DENND3: variants seen among roughly 807,000 people sequenced by gnomAD.
DENND3 encodes DENN domain containing 3.
In DENND3, 88 loss-of-function variants were observed where a neutral mutation model predicts 135.1. The observed-to-expected ratio is 0.65, with a 90% CI of 0.55 to 0.78. The LOEUF (loss-of-function observed/expected upper bound fraction) is 0.78, where lower values mean the gene tolerates loss of function less well. Among genes scored for constraint, DENND3 ranks in the 30% least tolerant of loss-of-function variants. The pLI, the probability that DENND3 is intolerant of heterozygous loss-of-function variation, is 0.00. For synonymous variants in DENND3, 693 were observed against 712.3 expected (o/e 0.97, Z 0.43); for missense variants, 1,392 against 1,688.4 (o/e 0.82, Z 3.08).
chr8:141,141,441 T>G lies in DENND3; in HGVS notation c.623+117T>G. ...GGGGGGCAGCTCTCTGTTCCTCTCC[T>G]GGTGAGCCGGGGGACCGGGCGCTGG... On this transcript the variant is annotated intron_variant, in intron 4 of 22. Transcript: ENST00000519811. The surrounding 1 kb of genome is among the most constrained non-coding windows in gnomAD (Gnocchi z 5.3). The G allele has an allele frequency of 1.6e-5, 17 of 1,077,792 alleles. No individual in the cohort carries two copies. The East Asian group carries it at 1.7e-4, about 10-fold the overall frequency. The allele number at this position is 1,077,792 out of a possible 1,614,324, so 66.8% of individuals were successfully genotyped here.
At chr8:141,170,910 G>A (rs368106625) in intron 13 of DENND3, among the ~76,000 whole-genome samples, 65 of 152,320 alleles carry the variant, frequency 4.3e-4, no homozygotes, top group African/African-American at 1.3e-3. Flanking sequence ...AGCAGGGTCC[G>A]TCCATCTTTT....
intron 10 of DENND3, among the ~76,000 whole-genome samples, chr8:141,164,734 C>T (rs1048103430): frequency 1.1e-4 from 16 of 152,222 alleles, no homozygotes; most frequent in Non-Finnish European, 2.4e-4. Context: ...GAGCCCTGCC[C>T]GAGGCTTCCA....
At chr8:141,160,575 G>A (rs965636590) in intron 8 of DENND3, 57 bp from the exon 9 acceptor site, 8 of 1,493,798 alleles carry the variant, frequency 5.4e-6, no homozygotes, top group Non-Finnish European at 7.2e-6. Context: ...GTGTGCTGGT[G>A]AGCGGCCGTG....
chr8:141,133,617 C>A (rs1816420846), intron 1 of DENND3, among the ~76,000 whole-genome samples: 1 of 152,062 alleles, frequency 6.6e-6, no homozygotes, highest in South Asian at 2.1e-4. Context: ...CTTGCAGGTG[C>A]TTGGTGTGGA....
chr8:141,189,294 T>C (rs1223053055), intron 19 of DENND3, 148 bp downstream of exon 19: 2 of 1,122,598 alleles, frequency 1.8e-6, no homozygotes, highest in Non-Finnish European at 2.5e-6. Flanking sequence ...AGCTGGGTGG[T>C]GTCCTCGGTC....
chr8:141,178,685 G>C (rs1230627396), intron 16 of DENND3, among the ~76,000 whole-genome samples: 1 of 152,210 alleles, frequency 6.6e-6, no homozygotes, highest in Non-Finnish European at 1.5e-5. Flanking sequence ...GTGAGGAGAG[G>C]CCCTGCACGT....
rs561485071 is a variant in DENND3, at chr8:141,130,794, C to A, written c.102+1985C>A. Among the ~76,000 whole-genome samples, 3 of 151,486 alleles carry A rather than the reference C, an allele frequency of 2.0e-5. No homozygotes were observed. The highest frequency in any genetic ancestry group is 6.6e-5 in the Admixed American group (1 of 15,186). On this transcript the variant is annotated intron_variant, in intron 1 of 22. Transcript: ENST00000519811. The surrounding 1 kb of genome is among the most constrained non-coding windows in gnomAD (Gnocchi z 4.2). Reference sequence around the variant, plus strand: ...CTCCGCCTCCTGAGTTCAAGCAATTCTCCTGCCTCAGCCTCCTAAGTAGCT... The same window carrying A: ...CTCCGCCTCCTGAGTTCAAGCAATTATCCTGCCTCAGCCTCCTAAGTAGCT...
chr8:141,159,010 G>T (rs181467284), intron 8 of DENND3, among the ~76,000 whole-genome samples: 2 of 152,342 alleles, frequency 1.3e-5, no homozygotes, highest in African/African-American at 2.4e-5. Context: ...GGCATTCTGC[G>T]TGTTCTTTCA....
In DENND3 at chr8:141,137,946, G is replaced by A; in HGVS notation, c.386-76G>A. On this transcript the variant is annotated intron_variant, in intron 2 of 22. Coordinates refer to ENST00000519811, the MANE Select transcript of DENND3 (RefSeq NM_001352890.3). The surrounding 1 kb of genome is among the most constrained non-coding windows in gnomAD (Gnocchi z 4.1). ...ACTGTGGAGGTGTGTCCTAAACACT[G>A]TGAAGAAATCAGCTCGTGGGTAACC... The A allele has an allele frequency of 1.4e-6, 2 of 1,466,152 alleles. No individual in the cohort carries two copies. The highest frequency in any genetic ancestry group is 1.9e-6 in the Non-Finnish European group (2 of 1,074,126). 90.8% of individuals were successfully genotyped at this position (1,466,152 alleles called of 1,614,324 possible).
At position 141,167,121 on chromosome 8, in the gene DENND3, C is replaced by T. The variant is rs922409704; in HGVS notation, c.1753+732C>T. Among the ~76,000 whole-genome samples the T allele has an allele frequency of 7.9e-5, 12 of 152,306 alleles. No homozygotes were observed. Among genetic ancestry groups the T allele is most frequent in the African/African-American group, 2.2e-4 (9 of 41,558 alleles). On this transcript the variant is annotated intron_variant, in intron 12 of 22. Coordinates refer to ENST00000519811, the MANE Select transcript of DENND3 (RefSeq NM_001352890.3). This position sits in a 1 kb window ranked among gnomAD's most constrained non-coding sequence, Gnocchi z 4.1. ...GGGCTATGGTCTAGCAGGGGCAGTG[C>T]GCATGAATGACAGACCACGTTGTCT...
chr8:141,145,466 C>T (rs1817923197), intron 5 of DENND3, among the ~76,000 whole-genome samples: 1 of 152,136 alleles, frequency 6.6e-6, no homozygotes, highest in African/African-American at 2.4e-5. Flanking sequence ...TTAGACTGTT[C>T]CCTAGGCCAC....
intron 8 of DENND3, among the ~76,000 whole-genome samples, chr8:141,158,897 A>G (rs1246209302): frequency 2.0e-5 from 3 of 152,016 alleles, no homozygotes; most frequent in African/African-American, 7.3e-5. Flanking sequence ...TCTCCTTCAG[A>G]CCCCACTGTC....
At chr8:141,142,218 C>T in intron 4 of DENND3, 1 of 372,730 alleles carries the variant, frequency 2.7e-6, no homozygotes, top group Admixed American at 3.4e-5. Flanking sequence ...ATGGTCAGTC[C>T]CAGTGGGCAC....
chr8:141,147,491 C>T (rs1022115825), intron 5 of DENND3, among the ~76,000 whole-genome samples: 40 of 152,202 alleles, frequency 2.6e-4, no homozygotes, highest in African/African-American at 8.0e-4. Context: ...CTGAAGGTGC[C>T]GCCACAGGGC....
chr8:141,146,971 G>A lies in DENND3; in HGVS notation c.735+2712G>A, dbSNP rs1818222349. 1.3e-5 allele frequency among the ~76,000 whole-genome samples: 2 copies of A among 152,194 alleles called. No homozygotes were observed. The highest frequency in any genetic ancestry group is 1.3e-4 in the Admixed American group (2 of 15,282). ...GCAGTTTCAGGGTCAGCAGTAATGA[G>A]CTGCACTCGGCCTTTGAACATAAGG... is the stretch of plus-strand genomic sequence containing the variant. On this transcript the variant is annotated intron_variant, in intron 5 of 22. Transcript: ENST00000519811. The surrounding 1 kb of genome is among the most constrained non-coding windows in gnomAD (Gnocchi z 4.3).
At position 141,174,045 on chromosome 8, in the gene DENND3, G is replaced by A. The variant is rs901736060; in HGVS notation, c.2276-1155G>A. ...CTCTGCCTTATCGGGGAAGGCGTGC[G>A]TGGGCATGCCTACCTGGGTGTTGAG... On this transcript the variant is annotated intron_variant, in intron 13 of 22. Coordinates refer to ENST00000519811, the MANE Select transcript of DENND3 (RefSeq NM_001352890.3). The surrounding 1 kb of genome is among the most constrained non-coding windows in gnomAD (Gnocchi z 4.6). 1.3e-5 allele frequency among the ~76,000 whole-genome samples: 2 copies of A among 152,150 alleles called. No homozygotes were observed. Among genetic ancestry groups the A allele is most frequent in the African/African-American group, 4.8e-5 (2 of 41,422 alleles).
chr8:141,175,859 G>T lies in DENND3; in HGVS notation c.2535+400G>T. The T allele has an allele frequency of 3.8e-6, 1 of 263,876 alleles. No individual in the cohort carries two copies. The highest frequency in any genetic ancestry group is 7.5e-6 in the Non-Finnish European group (1 of 132,736). The allele number at this position is 263,876 out of a possible 1,614,324, so 16.3% of individuals were successfully genotyped here. ...GAGCTACAGTAGCTCACATTTTCTAGTCACAGTCGGACCTGGTTCATATAA... is the reference window on the plus strand; with the variant it reads ...GAGCTACAGTAGCTCACATTTTCTATTCACAGTCGGACCTGGTTCATATAA... On this transcript the variant is annotated intron_variant, in intron 14 of 22. Coordinates refer to ENST00000519811, the MANE Select transcript of DENND3 (RefSeq NM_001352890.3). This position sits in a 1 kb window ranked among gnomAD's most constrained non-coding sequence, Gnocchi z 5.4.
At position 141,136,662 on chromosome 8, in the gene DENND3, A is replaced by G; in HGVS notation, c.256A>G (p.Lys86Glu). Residue 86 changes from lysine (K) to glutamate (E), a missense_variant, in exon 2 of 23, where the codon AAG becomes GAG. Physicochemically the swap from Lys to Glu is moderately conservative, Grantham distance 56. Coordinates refer to ENST00000519811, the MANE Select transcript of DENND3 (RefSeq NM_001352890.3). ...TAAAACCCGGATGCGCTCCTTGAGA[A>G]AGAAGAGAGAGAAGCCCAGACCAGA... is the stretch of plus-strand genomic sequence containing the variant. ...LGKTRMRSLR[K>E]KREKPRPEQW... 6.2e-7 allele frequency: 1 copy of G among 1,613,154 alleles called. No homozygotes were observed.
chr8:141,147,716 G>A (rs1047866677), intron 5 of DENND3, among the ~76,000 whole-genome samples: 2 of 152,160 alleles, frequency 1.3e-5, no homozygotes, highest in South Asian at 2.1e-4. Context: ...TTTAATGTTC[G>A]TCTCCCCCAT....
Sources: allele counts gnomAD v4.1 joint callset (sites outside exome capture counted in the v4.1 genomes callset), GRCh38; gene constraint gnomAD v4.1.1; non-coding constraint Gnocchi (gnomAD v3.1); transcripts MANE v1.5; gene names NCBI Gene and HGNC (gene_info 2026-07-23, HGNC 2026-07-21).